The following MYBL1 variants were observed in gnomAD, a reference collection of about 807,000 sequenced individuals.
MYBL1 encodes the protein myb-related protein A.
MYBL1 carries 17 observed loss-of-function variants against 96.3 expected under a neutral mutation model. The observed-to-expected ratio is 0.18, with a 90% CI of 0.12 to 0.26. The LOEUF (loss-of-function observed/expected upper bound fraction) is 0.26, where lower values mean the gene tolerates loss of function less well. Among genes scored for constraint, MYBL1 ranks in the 10% least tolerant of loss-of-function variants. The pLI, the probability that MYBL1 is intolerant of heterozygous loss-of-function variation, is 1.00. For synonymous variants in MYBL1, 282 were observed against 292.7 expected, an observed-to-expected ratio of 0.96 and a Z score of 0.37; for missense variants, 701 against 882.9, an observed-to-expected ratio of 0.79 and a Z score of 2.61.
intron 9 of MYBL1, among the ~76,000 whole-genome samples, chr8:66,578,030 C>T (rs1487517692): frequency 7.2e-5 from 11 of 152,082 alleles, no homozygotes; most frequent in East Asian, 3.9e-4. Flanking sequence ...TAGCCATATG[C>T]AGAAAGCTGA....
intron 12 of MYBL1, 107 bp from the exon 13 acceptor site, chr8:66,567,099 T>C: frequency 1.5e-6 from 1 of 684,682 alleles, no homozygotes; most frequent in Non-Finnish European, 2.4e-6. Flanking sequence ...GTCATAATTT[T>C]CTCCTAGCCC....
intron 11 of MYBL1, among the ~76,000 whole-genome samples, chr8:66,573,119 C>T (rs1456829086): frequency 1.3e-5 from 2 of 152,002 alleles, no homozygotes; most frequent in Non-Finnish European, 2.9e-5. Flanking sequence ...GTGGCTGAGG[C>T]AGGAGAATCA....
intron 4 of MYBL1, 81 bp downstream of exon 4, chr8:66,598,969 C>T: frequency 1.2e-6 from 1 of 855,880 alleles, no homozygotes; most frequent in Non-Finnish European, 1.6e-6. Flanking sequence ...TAAACATGTA[C>T]TTCATATGTC....
chr8:66,608,202 TA>T (rs1418327997), intron 1 of MYBL1, among the ~76,000 whole-genome samples: 1 of 152,212 alleles, frequency 6.6e-6, no homozygotes, highest in East Asian at 1.9e-4. Flanking sequence ...CCTTACTTTT[TA>T]CCCACATACT....
At chr8:66,607,737 A>G (rs1241010905) in intron 1 of MYBL1, among the ~76,000 whole-genome samples, 1 of 151,580 alleles carries the variant, frequency 6.6e-6, no homozygotes. Flanking sequence ...GTAGAATTTT[A>G]AGAAGCAGAA....
chr8:66,587,027 AGAG>A (rs954688084), intron 8 of MYBL1, among the ~76,000 whole-genome samples: 28 of 152,170 alleles, frequency 1.8e-4, no homozygotes, highest in Admixed American at 8.5e-4. Context: ...AGTGGCTACT[AGAG>A]GAGAAGAAGG....
intron 1 of MYBL1, among the ~76,000 whole-genome samples, chr8:66,610,674 CTCTA>C (rs1810493335): frequency 6.6e-6 from 1 of 152,128 alleles, no homozygotes; most frequent in Non-Finnish European, 1.5e-5. Flanking sequence ...ACAATTCACA[CTCTA>C]TCCTCTTTTG....
At chr8:66,606,692 T>C (rs1810324807) in intron 1 of MYBL1, among the ~76,000 whole-genome samples, 1 of 152,198 alleles carries the variant, frequency 6.6e-6, no homozygotes, top group South Asian at 2.1e-4. Context: ...GATCTGCTTC[T>C]ACAGTTCAAC....
At position 66,576,253 on chromosome 8, in the gene MYBL1, T is replaced by A; in HGVS notation, c.1224A>T (p.Gln408His). 1.2e-6 allele frequency: 2 copies of A among 1,613,994 alleles called. No homozygotes were observed. The highest frequency in any genetic ancestry group is 1.7e-6 in the Non-Finnish European group (2 of 1,179,888). Residue 408 changes from glutamine (Q) to histidine (H), a missense_variant, in exon 10 of 16, where the codon CAA (glutamine) becomes CAT (histidine). Coordinates refer to ENST00000522677, the MANE Select transcript of MYBL1 (RefSeq NM_001080416.4). Reference protein sequence around the residue: ...IQHNEGAMECQFNVSLVLEGK... With the variant: ...IQHNEGAMECHFNVSLVLEGK... ...CTTCAAGTACAAGACTGACGTTAAA[T>A]TGGCATTCCATGGCTCCTTCATTGT...
chr8:66,596,070 T>C (rs1178386551), intron 5 of MYBL1, among the ~76,000 whole-genome samples: 1 of 151,826 alleles, frequency 6.6e-6, no homozygotes, highest in Admixed American at 6.6e-5. Context: ...GAAGGAAGAA[T>C]AGAAAAACAA....
At chr8:66,580,502 T>C in intron 8 of MYBL1, 136 bp from the exon 9 acceptor site, 1 of 604,848 alleles carries the variant, frequency 1.7e-6, no homozygotes, top group Non-Finnish European at 2.9e-6. Flanking sequence ...TATACTTTTT[T>C]CATTAAACTT....
chr8:66,612,865 TG>T lies in MYBL1; in HGVS notation c.-28del. 7.4e-7 allele frequency: 1 copy of T among 1,349,996 alleles called. No individual in the cohort carries two copies. Among genetic ancestry groups the T allele is most frequent in the South Asian group, 2.2e-5 (1 of 45,040 alleles). The allele number at this position is 1,349,996 out of a possible 1,614,324, so 83.6% of individuals were successfully genotyped here. A position where few individuals can be genotyped will look rare whatever the true frequency, so the allele number is the denominator to read the frequency against. On this transcript the variant is annotated 5_prime_UTR_variant, in exon 1 of 16. Coordinates refer to ENST00000522677, the MANE Select transcript of MYBL1 (RefSeq NM_001080416.4). ...CTTCAAGTACCGCATAGGAGCAGGC[TG>T]GGCGGGGACGCGGGTCAGCCTCCTC...
rs1809145242 is a variant in MYBL1 at position 66,580,210 on chromosome 8, C to G, written c.1024G>C (p.Ala342Pro). 1 of 1,613,940 alleles carries G rather than the reference C, an allele frequency of 6.2e-7. No homozygotes were observed. Among genetic ancestry groups the G allele is most frequent in the Non-Finnish European group, 8.5e-7 (1 of 1,179,868 alleles). Reference protein sequence around the residue: ...AQQNSPTKFLAVEANAVLSSL... With the variant: ...AQQNSPTKFLPVEANAVLSSL... ...GATAACACAGCGTTTGCCTCCACGG[C>G]CAGGAACTTTGTGGGTGAATTCTGC... Residue 342 changes from alanine (A) to proline (P), a missense_variant, in exon 9 of 16, where the codon GCC becomes CCC. Ala to Pro is a conservative substitution (Grantham distance 27). Around this residue, in one of 5 missense-constraint regions of MYBL1, gnomAD observed 396 missense variants for 407.4 expected, o/e 0.97. Transcript: ENST00000522677.
chr8:66,592,621 C>G, intron 7 of MYBL1, 77 bp from the exon 8 acceptor site: 1 of 815,518 alleles, frequency 1.2e-6, no homozygotes, highest in South Asian at 1.8e-5. Flanking sequence ...TTTTTATTTT[C>G]TTCTATGCAA....
intron 8 of MYBL1, 27 bp downstream of exon 8, chr8:66,592,413 A>C: frequency 2.1e-6 from 3 of 1,422,142 alleles, no homozygotes; most frequent in Non-Finnish European, 2.9e-6. Context: ...AGATTCTAAC[A>C]ATACAAATAA....
intron 7 of MYBL1, 90 bp from the exon 8 acceptor site, chr8:66,592,634 T>C (rs1809695326): frequency 1.4e-6 from 1 of 722,112 alleles, no homozygotes. Context: ...CTATGCAACA[T>C]GAAATATACT....
In MYBL1 at chr8:66,592,360, G is replaced by A. The variant is rs1056719376; in HGVS notation, c.867+80C>T. 7.5e-6 allele frequency: 7 copies of A among 932,350 alleles called. No homozygotes were observed. In the African/African-American group the frequency reaches 8.4e-5, roughly 11 times the overall value. 57.8% of individuals were successfully genotyped at this position (932,350 alleles called of 1,614,324 possible). Reference sequence around the variant, plus strand: ...ATATTAAAATCTGCAGTCATACTGAGTATGCTTTCTAGCTGATAAAAATGA... The same window carrying A: ...ATATTAAAATCTGCAGTCATACTGAATATGCTTTCTAGCTGATAAAAATGA... On this transcript the variant is annotated intron_variant, in intron 8 of 15. Coordinates refer to ENST00000522677, the MANE Select transcript of MYBL1 (RefSeq NM_001080416.4).
At chr8:66,607,566 CAACCAA>C (rs950017595) in intron 1 of MYBL1, among the ~76,000 whole-genome samples, 23 of 152,178 alleles carry the variant, frequency 1.5e-4, no homozygotes, top group Admixed American at 1.4e-3. Context: ...CTTTCCAACC[CAACCAA>C]AACTTCCACC....
At position 66,562,400 on chromosome 8, in the gene MYBL1, AAAGAAACTC is replaced by A. The variant is rs1359133945; in HGVS notation, c.*2288_*2296del. 5.9e-5 allele frequency: 9 copies of A among 152,638 alleles called. No individual in the cohort carries two copies. The highest frequency in any genetic ancestry group is 2.2e-4 in the African/African-American group (9 of 41,448). 9.5% of individuals were successfully genotyped at this position (152,638 alleles called of 1,614,324 possible). On this transcript the variant is annotated 3_prime_UTR_variant, in exon 16 of 16. Transcript: ENST00000522677. ...TGTCTGGCATTTGTATAACATACTG[AAAGAAACTC>A]AGAGGAACAAAACAGTATAAAGGTG...
Sources: allele counts gnomAD v4.1 joint callset (sites outside exome capture counted in the v4.1 genomes callset), GRCh38; gene constraint gnomAD v4.1.1; regional missense constraint gnomAD v4.1.1; transcripts MANE v1.5; gene names NCBI Gene and HGNC (gene_info 2026-07-23, HGNC 2026-07-21).